The following FAM200B variants were observed in gnomAD, a reference collection of about 807,000 sequenced individuals.
FAM200B encodes the protein protein FAM200B.
A neutral mutation model predicts 33.1 loss-of-function variants in FAM200B; 32 were observed. The observed-to-expected ratio is 0.97, with a 90% CI of 0.73 to 1.30. The LOEUF is 1.30. Among genes scored for constraint, FAM200B ranks in the 50% most tolerant of loss-of-function variants. The probability of loss-of-function intolerance (pLI) is 0.00; values close to 1 mark genes in which losing one functional copy is unlikely to be tolerated. For synonymous variants in FAM200B, 240 were observed against 264.8 expected (o/e 0.91, Z 0.91); for missense variants, 741 against 754.0 (o/e 0.98, Z 0.20).
At chr4:15,656,206 G>C in the FAM200B span, 5 of 456,184 alleles carry the variant, frequency 1.1e-5, no homozygotes, top group South Asian at 7.7e-5. Flanking sequence ...GCGGAGGTTC[G>C]GAGAGAAAAC....
the FAM200B span, among the ~76,000 whole-genome samples, chr4:15,674,713 G>A: frequency 1.3e-5 from 2 of 150,800 alleles, no homozygotes; most frequent in Non-Finnish European, 1.5e-5. Context: ...GCAGTGACGC[G>A]ATCTTGGCTC....
At chr4:15,669,836 T>C in the FAM200B span, among the ~76,000 whole-genome samples, 855 of 152,328 alleles carry the variant, frequency 5.6e-3, 5 homozygotes, top group African/African-American at 0.02. Context: ...ATTTTCAGCA[T>C]TTTTTATGAA....
chr4:15,690,402 A>T lies in FAM200B; in HGVS notation c.*1451A>T, dbSNP rs1229034689. On this transcript the variant is annotated 3_prime_UTR_variant, in exon 2 of 2. Coordinates refer to ENST00000422728, the MANE Select transcript of FAM200B (RefSeq NM_001145191.2). Reference sequence around the variant, plus strand: ...TTTTCTGTTCTATTGAAGGTAATTGATTTTTTCTTTTTTTTTAATGCTTGA... The same window carrying T: ...TTTTCTGTTCTATTGAAGGTAATTGTTTTTTTCTTTTTTTTTAATGCTTGA... The T allele has an allele frequency of 6.0e-6, 1 of 165,912 alleles. No homozygotes were observed. Among genetic ancestry groups the T allele is most frequent in the Non-Finnish European group, 1.5e-5 (1 of 67,998 alleles). 10.3% of individuals were successfully genotyped at this position (165,912 alleles called of 1,614,324 possible).
chr4:15,656,253 C>T, the FAM200B span: 1 of 456,234 alleles, frequency 2.2e-6, no homozygotes, highest in Non-Finnish European at 4.4e-6. Flanking sequence ...GCCTCTTTCC[C>T]ATAAATCGCC....
chr4:15,644,604 T>C, the FAM200B span: 1 of 1,614,112 alleles, frequency 6.2e-7, no homozygotes, highest in Non-Finnish European at 8.5e-7. Flanking sequence ...CAATAATGTA[T>C]TCATTTTCAA....
the FAM200B span, among the ~76,000 whole-genome samples, chr4:15,673,752 A>C: frequency 6.6e-6 from 1 of 152,178 alleles, no homozygotes; most frequent in East Asian, 1.9e-4. Flanking sequence ...CTCTCTATGC[A>C]GCTCTCTCCC....
chr4:15,644,546 T>C, the FAM200B span: 1 of 1,614,098 alleles, frequency 6.2e-7, no homozygotes, highest in South Asian at 1.1e-5. Context: ...GAGAGTTTAT[T>C]GTCAGAATGT....
the FAM200B span, among the ~76,000 whole-genome samples, chr4:15,664,712 C>G: frequency 1.3e-5 from 2 of 151,894 alleles, no homozygotes; most frequent in African/African-American, 4.8e-5. Flanking sequence ...CGCCTGATAC[C>G]ACGCCCGGCT....
the FAM200B span, among the ~76,000 whole-genome samples, chr4:15,674,210 T>TG: frequency 1.3e-5 from 2 of 152,018 alleles, no homozygotes; most frequent in Non-Finnish European, 2.9e-5. Context: ...TCGTGTTTTT[T>TG]TTTTTTTTTT....
rs1292114905 is a variant in FAM200B, at chr4:15,687,501, G to A, written c.524G>A (p.Cys175Tyr). The A allele has an allele frequency of 2.6e-6, 4 of 1,550,934 alleles. No individual in the cohort carries two copies. The highest frequency in any genetic ancestry group is 1.4e-5 in the African/African-American group (1 of 73,032). Reference protein sequence around the residue: ...TAAEKIILPACLDMVRTIFDD... With the variant: ...TAAEKIILPAYLDMVRTIFDD... ...GCTGAAAAAATTATTCTTCCAGCAT[G>A]TTTGGATATGGTGCGTACAATATTT... The change falls in exon 2 of 2, where the codon TGT (cysteine) becomes TAT (tyrosine). Residue 175 changes from cysteine (C) to tyrosine (Y), a missense_variant. Transcript: ENST00000422728.
At chr4:15,679,761 C>T (rs1718137604), upstream of FAM200B, among the ~76,000 whole-genome samples, 1 of 149,550 alleles carries the variant, frequency 6.7e-6, no homozygotes, top group Non-Finnish European at 1.5e-5. Flanking sequence ...TCTTTCCAAT[C>T]CCCCTAAAAA....
the FAM200B span, among the ~76,000 whole-genome samples, chr4:15,671,859 C>T: frequency 6.6e-6 from 1 of 152,182 alleles, no homozygotes. Flanking sequence ...GTAGGTTTTA[C>T]ATTTCACACA....
In FAM200B at chr4:15,690,286, A is replaced by G. The variant is rs1047172421; in HGVS notation, c.*1335A>G. ...GTACTCCCTTATCCCACTGGGTGAT[A>G]TTATTTGGCATGGTCATTGTCATTA... On this transcript the variant is annotated 3_prime_UTR_variant, in exon 2 of 2. Coordinates refer to ENST00000422728, the MANE Select transcript of FAM200B (RefSeq NM_001145191.2). 4.2e-5 allele frequency: 7 copies of G among 167,036 alleles called. No individual in the cohort carries two copies. The highest frequency in any genetic ancestry group is 7.3e-5 in the Non-Finnish European group (5 of 68,114). The allele number at this position is 167,036 out of a possible 1,614,324, so 10.3% of individuals were successfully genotyped here.
At chr4:15,638,275 G>A in the FAM200B span, among the ~76,000 whole-genome samples, 4 of 152,116 alleles carry the variant, frequency 2.6e-5, no homozygotes, top group South Asian at 8.3e-4. Context: ...ATTTATTCAA[G>A]AAACACTACA....
At chr4:15,678,986 A>G (rs769925179), upstream of FAM200B, among the ~76,000 whole-genome samples, 54 of 152,062 alleles carry the variant, frequency 3.6e-4, no homozygotes, top group Admixed American at 1.3e-4. Flanking sequence ...CACAAACTAC[A>G]TTGATAATAG....
At chr4:15,642,187 C>G in the FAM200B span, among the ~76,000 whole-genome samples, 1 of 151,900 alleles carries the variant, frequency 6.6e-6, no homozygotes, top group Non-Finnish European at 1.5e-5. Context: ...ATCACATTTC[C>G]CCACTTCTAT....
At chr4:15,680,162 C>A (rs566131963), upstream of FAM200B, among the ~76,000 whole-genome samples, 1 of 151,290 alleles carries the variant, frequency 6.6e-6, no homozygotes, top group African/African-American at 2.4e-5. Flanking sequence ...AAGGAGAGAC[C>A]GAGTGAAATA....
At chr4:15,644,039 C>T in the FAM200B span, among the ~76,000 whole-genome samples, 1 of 152,184 alleles carries the variant, frequency 6.6e-6, no homozygotes, top group African/African-American at 2.4e-5. Flanking sequence ...TCGGCTTAGT[C>T]CAGTTTCAGC....
chr4:15,690,439 G>GA lies in FAM200B; in HGVS notation c.*1493dup, dbSNP rs1450746648. The GA allele has an allele frequency of 1.2e-5, 2 of 161,314 alleles. No homozygotes were observed. Among genetic ancestry groups the GA allele is most frequent in the Non-Finnish European group, 2.9e-5 (2 of 68,012 alleles). The allele number at this position is 161,314 out of a possible 1,614,324, so 10.0% of individuals were successfully genotyped here. A position where few individuals can be genotyped will look rare whatever the true frequency, so the allele number is the denominator to read the frequency against. ...TTTTTAATGCTTGAAATAAAGTGTT[G>GA]AAAAACAATTCCCTGTGAATAGCTC... On this transcript the variant is annotated 3_prime_UTR_variant, in exon 2 of 2. Transcript: ENST00000422728.
Sources: gnomAD v4.1 joint callset for allele counts (sites outside exome capture counted in the v4.1 genomes callset) on GRCh38, gnomAD v4.1.1 for gene constraint, MANE v1.5 for transcripts, NCBI Gene and HGNC (gene_info 2026-07-23, HGNC 2026-07-21) for gene names.